KPNA4: variants seen among roughly 807,000 people sequenced by gnomAD.
KPNA4 encodes importin subunit alpha-3.
KPNA4 carries 13 observed loss-of-function variants against 71.3 expected under a neutral mutation model. The observed-to-expected ratio is 0.18, with a 90% confidence interval of 0.12 to 0.29. KPNA4 has a LOEUF of 0.29. KPNA4 is among the 10% of genes least tolerant of loss of function. The pLI, the probability that KPNA4 is intolerant of heterozygous loss-of-function variation, is 1.00. For synonymous variants in KPNA4, 189 were observed against 195.2 expected (o/e 0.97, Z 0.26); for missense variants, 334 against 603.2 (o/e 0.55, Z 4.67).
chr3:160,508,790 G>A (rs978213969), intron 14 of KPNA4, among the ~76,000 whole-genome samples: 2 of 151,870 alleles, frequency 1.3e-5, no homozygotes, highest in African/African-American at 2.4e-5. Context: ...AAAATGCTAG[G>A]ATTACATGCA....
chr3:160,524,974 G>A (rs1721431960), intron 10 of KPNA4, among the ~76,000 whole-genome samples: 1 of 152,148 alleles, frequency 6.6e-6, no homozygotes, highest in Non-Finnish European at 1.5e-5. Flanking sequence ...AGAACCACAT[G>A]AGTTCCTGAT....
Position 160,525,785 on chromosome 3 carries a change from GAC to G in KPNA4, c.771+13_771+14del. 1 of 1,504,338 alleles carries G rather than the reference GAC, an allele frequency of 6.6e-7. No individual in the cohort carries two copies. Among genetic ancestry groups the G allele is most frequent in the Non-Finnish European group, 9.0e-7 (1 of 1,113,088 alleles). The allele number at this position is 1,504,338 out of a possible 1,614,324, so 93.2% of individuals were successfully genotyped here. A position where few individuals can be genotyped will look rare whatever the true frequency, so the allele number is the denominator to read the frequency against. Reference sequence around the variant, plus strand: ...ACATACATACATAAATATATAATAGGACACATTTACTCACATTTACATCTGTG... The same window carrying G: ...ACATACATACATAAATATATAATAGGACATTTACTCACATTTACATCTGTG... On this transcript the variant is annotated intron_variant, in intron 10 of 16. Coordinates refer to ENST00000334256, the MANE Select transcript of KPNA4 (RefSeq NM_002268.5).
intron 1 of KPNA4, among the ~76,000 whole-genome samples, chr3:160,564,870 G>C (rs1401915045): frequency 1.3e-5 from 2 of 149,652 alleles, no homozygotes; most frequent in Non-Finnish European, 3.0e-5. Context: ...GCCGCGGCCC[G>C]GCCGGGGCAG....
chr3:160,524,498 T>C (rs961416510), intron 10 of KPNA4, among the ~76,000 whole-genome samples: 1 of 151,846 alleles, frequency 6.6e-6, no homozygotes, highest in African/African-American at 2.4e-5. Flanking sequence ...CACATCACTA[T>C]GCCTGGCTAA....
chr3:160,502,737 A>C (rs1720908422), intron 16 of KPNA4, among the ~76,000 whole-genome samples: 1 of 152,184 alleles, frequency 6.6e-6, no homozygotes, highest in Non-Finnish European at 1.5e-5. Context: ...ATTTTCCAAA[A>C]GAATGAAGGA....
intron 5 of KPNA4, among the ~76,000 whole-genome samples, chr3:160,533,168 C>A (rs536779966): frequency 6.6e-6 from 1 of 152,086 alleles, no homozygotes; most frequent in African/African-American, 2.4e-5. Context: ...GGATTACAGG[C>A]ATGTGACACT....
intron 11 of KPNA4, among the ~76,000 whole-genome samples, 165 bp from the exon 12 acceptor site, chr3:160,515,745 T>C (rs1432499193): frequency 6.6e-6 from 1 of 151,570 alleles, no homozygotes; most frequent in African/African-American, 2.4e-5. Flanking sequence ...CTCCAGAGTA[T>C]CTGGGACTAT....
At chr3:160,558,873 C>G (rs1473886287) in intron 1 of KPNA4, among the ~76,000 whole-genome samples, 1 of 152,102 alleles carries the variant, frequency 6.6e-6, no homozygotes, top group African/African-American at 2.4e-5. Flanking sequence ...GATTTCACAT[C>G]TAAAATTTGT....
chr3:160,525,365 A>C (rs1721437827), intron 10 of KPNA4, among the ~76,000 whole-genome samples: 1 of 133,734 alleles, frequency 7.5e-6, no homozygotes, highest in Non-Finnish European at 1.7e-5. Flanking sequence ...TTCATCTTTC[A>C]AAAAACAAAA....
intron 1 of KPNA4, among the ~76,000 whole-genome samples, chr3:160,544,802 G>GT (rs149458727): frequency 0.026 from 3,960 of 150,048 alleles, 80 homozygotes; most frequent in African/African-American, 0.049. Flanking sequence ...GAGAAAAATA[G>GT]TTTTTTTTTT....
chr3:160,540,597 AGTT>A (rs1188827366), intron 1 of KPNA4, among the ~76,000 whole-genome samples: 1 of 152,324 alleles, frequency 6.6e-6, no homozygotes, highest in African/African-American at 2.4e-5. Context: ...TCCAAACAAT[AGTT>A]GTTCTTCGGG....
At chr3:160,517,191 G>T (rs1721246708) in intron 11 of KPNA4, among the ~76,000 whole-genome samples, 1 of 151,974 alleles carries the variant, frequency 6.6e-6, no homozygotes, top group African/African-American at 2.4e-5. Context: ...GCTATCTTGG[G>T]CACTTCATAT....
intron 1 of KPNA4, among the ~76,000 whole-genome samples, chr3:160,558,802 A>G (rs1577064853): frequency 6.6e-6 from 1 of 152,356 alleles, no homozygotes; most frequent in African/African-American, 2.4e-5. Flanking sequence ...CCATAGGGGT[A>G]AGACTGCTGG....
intron 12 of KPNA4, chr3:160,515,166 A>G (rs551526582): frequency 1.5e-5 from 8 of 530,160 alleles, no homozygotes; most frequent in African/African-American, 1.3e-4. Context: ...TAAGAATTAC[A>G]TAATATACAT....
intron 16 of KPNA4, among the ~76,000 whole-genome samples, chr3:160,503,351 G>C (rs1368486035): frequency 6.6e-6 from 1 of 151,994 alleles, no homozygotes; most frequent in Non-Finnish European, 1.5e-5. Flanking sequence ...AACTTTCTGG[G>C]CACCAATATG....
Position 160,499,353 on chromosome 3 carries a change from T to C in KPNA4, c.*2751A>G, listed in dbSNP as rs1185919182. The C allele has an allele frequency of 6.6e-6, 1 of 152,114 alleles. No individual in the cohort carries two copies. The highest frequency in any genetic ancestry group is 1.5e-5 in the Non-Finnish European group (1 of 68,000). 9.4% of individuals were successfully genotyped at this position (152,114 alleles called of 1,614,324 possible). ...ACAGCACTTGAGGTGGTCTCAATGT[T>C]CAAAAAGACAGTTTAAGACATGAAA... On this transcript the variant is annotated 3_prime_UTR_variant, in exon 17 of 17. Transcript: ENST00000334256.
intron 15 of KPNA4, among the ~76,000 whole-genome samples, chr3:160,505,720 A>C (rs1446959802): frequency 6.6e-6 from 1 of 152,178 alleles, no homozygotes; most frequent in Admixed American, 6.5e-5. Context: ...CCATTTCTTA[A>C]ATGGAGAAAG....
intron 10 of KPNA4, 76 bp from the exon 11 acceptor site, chr3:160,521,986 C>G (rs1489879514): frequency 3.0e-6 from 4 of 1,312,488 alleles, no homozygotes; most frequent in Non-Finnish European, 4.2e-6. Context: ...AACAACCATT[C>G]TAAAATTGTT....
rs1721801925 is a variant in KPNA4, at chr3:160,541,681, AC to A, written c.70-4842del. 6.6e-5 allele frequency among the ~76,000 whole-genome samples: 10 copies of A among 150,458 alleles called. No homozygotes were observed. In the South Asian group the frequency reaches 2.1e-3, roughly 32 times the overall value. On this transcript the variant is annotated intron_variant, in intron 1 of 16. Transcript: ENST00000334256. Reference sequence around the variant, plus strand: ...CACACACACACACACACACACACACACGCCTTCCCTCCCCAACATGAGTTAA... The same window carrying A: ...CACACACACACACACACACACACACAGCCTTCCCTCCCCAACATGAGTTAA...
Sources: allele counts gnomAD v4.1 joint callset (sites outside exome capture counted in the v4.1 genomes callset), GRCh38; gene constraint gnomAD v4.1.1; transcripts MANE v1.5; gene names NCBI Gene and HGNC (gene_info 2026-07-23, HGNC 2026-07-21).